The following LMF1 variants were observed in gnomAD, a reference collection of about 807,000 sequenced individuals.
LMF1 encodes transmembrane protein 112.
In LMF1, 68 loss-of-function variants were observed where a neutral mutation model predicts 60.6. The observed-to-expected ratio is 1.12, with a 90% CI of 0.92 to 1.37. The LOEUF (loss-of-function observed/expected upper bound fraction) is 1.37. LMF1 is among the 40% of genes most tolerant of loss of function. The pLI is 0.00. For missense variants in LMF1, 948 were observed against 767.2 expected (o/e 1.24, Z -2.78); for synonymous variants, 418 against 324.7 (o/e 1.29, Z -3.09).
At chr16:890,713 A>G (rs4984704) in intron 5 of LMF1, among the ~76,000 whole-genome samples, 58,820 of 151,878 alleles carry the variant, frequency 0.39, 12,697 homozygotes, top group African/African-American at 0.57. Flanking sequence ...TTTTAAGGAC[A>G]CAGTCGTTGG....
chr16:859,846 C>CTCGGG (rs2069392866), intron 10 of LMF1, among the ~76,000 whole-genome samples: 1 of 124,850 alleles, frequency 8.0e-6, no homozygotes, highest in African/African-American at 3.3e-5. Flanking sequence ...TGAGTGGTGT[C>CTCGGG]ACGGGATGGG....
intron 3 of LMF1, among the ~76,000 whole-genome samples, chr16:925,729 C>T (rs916052367): frequency 6.6e-6 from 1 of 152,148 alleles, no homozygotes; most frequent in African/African-American, 2.4e-5. Flanking sequence ...GAGCAAGGCC[C>T]TGTCTCTGAA....
At chr16:937,520 C>CGACAGGCTGCTGGGGTCTCTGTTGACT (rs2071980775) in intron 2 of LMF1, among the ~76,000 whole-genome samples, 2 of 149,384 alleles carry the variant, frequency 1.3e-5, no homozygotes, top group Non-Finnish European at 1.5e-5. Context: ...CTCTGTTGAC[C>CGACAGGCTGCTGGGGTCTCTGTTGACT]GACAGGCTGC....
chr16:970,771 G>A lies in LMF1; in HGVS notation c.193+17C>T, dbSNP rs1012448343. 11 of 1,511,928 alleles carry A rather than the reference G, an allele frequency of 7.3e-6. No individual in the cohort carries two copies. Among genetic ancestry groups the A allele is most frequent in the African/African-American group, 7.2e-5 (5 of 69,674 alleles). 93.7% of individuals were successfully genotyped at this position (1,511,928 alleles called of 1,614,324 possible). On this transcript the variant is annotated intron_variant, in intron 1 of 10. Transcript: ENST00000262301. ...GAGGTGACACTGGCGGATGTCCCGG[G>A]CCCGCCCGGCACTCACAGTACACGA...
intron 4 of LMF1, among the ~76,000 whole-genome samples, chr16:896,255 C>G (rs34857121): frequency 0.011 from 1,189 of 113,188 alleles, 5 homozygotes; most frequent in Middle Eastern, 0.037. Context: ...ACGGTCCACA[C>G]ACACGCCTCG....
rs2072836853 is a variant in LMF1, at chr16:962,687, G to GAA, written c.194-8022_194-8021insTT. On this transcript the variant is annotated intron_variant, in intron 1 of 10. Transcript: ENST00000262301. This position sits in a 1 kb window ranked among gnomAD's most constrained non-coding sequence, Gnocchi z 4.5. Reference sequence around the variant, plus strand: ...TTGACACTGTCAAGGTCGGAATCCTGCACAGGAAAGTCTGGGAGACTCACA... The same window carrying GAA: ...TTGACACTGTCAAGGTCGGAATCCTGAACACAGGAAAGTCTGGGAGACTCACA... Among the ~76,000 whole-genome samples the GAA allele has an allele frequency of 6.6e-6, 1 of 152,208 alleles. No homozygotes were observed. The highest frequency in any genetic ancestry group is 1.5e-5 in the Non-Finnish European group (1 of 68,036).
intron 4 of LMF1, among the ~76,000 whole-genome samples, chr16:894,301 CCT>C (rs1491506216): frequency 3.5e-5 from 5 of 141,024 alleles, no homozygotes; most frequent in African/African-American, 1.3e-4. Context: ...CCACCCATCC[CCT>C]GTCCACCGGA....
intron 5 of LMF1, among the ~76,000 whole-genome samples, chr16:886,127 C>T (rs112995010): frequency 6.6e-6 from 1 of 152,198 alleles, no homozygotes; most frequent in African/African-American, 2.4e-5. Context: ...TTCTCACAAC[C>T]GCCGTAGGGT....
At chr16:940,590 C>T (rs1460206330) in intron 2 of LMF1, among the ~76,000 whole-genome samples, 1 of 152,210 alleles carries the variant, frequency 6.6e-6, no homozygotes, top group Admixed American at 6.5e-5. Context: ...AGAGACCAGA[C>T]AACTAAACCC....
chr16:881,490 A>AGCC (rs1285156085), intron 5 of LMF1: 3 of 152,312 alleles, frequency 2.0e-5, no homozygotes, highest in Non-Finnish European at 4.4e-5. Flanking sequence ...CTCAGGAAAC[A>AGCC]GCCTGCAAAC....
intron 4 of LMF1, among the ~76,000 whole-genome samples, chr16:905,540 C>G (rs952265634): frequency 5.9e-5 from 9 of 152,306 alleles, no homozygotes; most frequent in Non-Finnish European, 1.2e-4. Context: ...TTTCAAGTGC[C>G]GTGAGAGCCA....
At chr16:934,470 T>C in intron 2 of LMF1, 1 of 587,242 alleles carries the variant, frequency 1.7e-6, no homozygotes, top group South Asian at 2.0e-5. Context: ...CCAAAACATA[T>C]TCCAAGATAC....
rs1187078581 is a variant in LMF1 at position 970,903 on chromosome 16, C to T, written c.78G>A (p.Glu26=). ...GCCCCGGCGCGGGCGGCGACTCAGGCTCCGGATCCGAGTACCCAGTCTTCC... is the reference window on the plus strand; with the variant it reads ...GCCCCGGCGCGGGCGGCGACTCAGGTTCCGGATCCGAGTACCCAGTCTTCC... ...RRRKTGYSDP[E]PESPPAPGRG... is the part of the protein sequence containing the mutation. The change falls in exon 1 of 11, where the codon GAG becomes GAA. Residue 26 remains glutamate, a synonymous_variant. Coordinates refer to ENST00000262301, the MANE Select transcript of LMF1 (RefSeq NM_022773.4). The T allele has an allele frequency of 6.3e-7, 1 of 1,580,902 alleles. No individual in the cohort carries two copies.
intron 9 of LMF1, 95 bp downstream of exon 9, chr16:869,788 G>T (rs1384182575): frequency 7.8e-7 from 1 of 1,278,078 alleles, no homozygotes; most frequent in Non-Finnish European, 1.1e-6. Context: ...CTCCCCACCA[G>T]CCCCTTCAGT....
At chr16:932,235 G>A (rs895405223) in intron 3 of LMF1, among the ~76,000 whole-genome samples, 3 of 152,208 alleles carry the variant, frequency 2.0e-5, no homozygotes, top group African/African-American at 4.8e-5. Flanking sequence ...GCGGGGGCAC[G>A]GGGAGGGTGG....
chr16:977,916 A>ATAC (rs1215179746), intron 1 of LMF1, among the ~76,000 whole-genome samples: 2 of 131,742 alleles, frequency 1.5e-5, no homozygotes, highest in Non-Finnish European at 3.1e-5. Context: ...CACACACCAC[A>ATAC]CACATACCAC....
chr16:929,694 A>T (rs1278991832), intron 3 of LMF1, among the ~76,000 whole-genome samples: 1 of 152,256 alleles, frequency 6.6e-6, no homozygotes, highest in Non-Finnish European at 1.5e-5. Context: ...GAATGTTACC[A>T]AACTCAGCAG....
intron 2 of LMF1, among the ~76,000 whole-genome samples, chr16:938,568 A>G (rs1332785500): frequency 6.6e-6 from 1 of 152,236 alleles, no homozygotes; most frequent in Non-Finnish European, 1.5e-5. Flanking sequence ...TAAAATGGTA[A>G]TAACAAGAGG....
At chr16:945,195 G>C (rs910681786) in intron 2 of LMF1, among the ~76,000 whole-genome samples, 1 of 108,668 alleles carries the variant, frequency 9.2e-6, no homozygotes, top group Non-Finnish European at 1.7e-5. Flanking sequence ...TGGGCGACAA[G>C]AGCGAGACTC....
Sources: allele counts gnomAD v4.1 joint callset (sites outside exome capture counted in the v4.1 genomes callset), GRCh38; gene constraint gnomAD v4.1.1; non-coding constraint Gnocchi (gnomAD v3.1); transcripts MANE v1.5; gene names NCBI Gene and HGNC (gene_info 2026-07-23, HGNC 2026-07-21).